Variants in NAV3 observed in about 807,000 individuals in gnomAD.
NAV3 encodes the protein pore membrane and/or filament interacting like protein 1.
In NAV3, 87 loss-of-function variants were observed where a neutral mutation model predicts 244.7. That is an observed-to-expected ratio of 0.36 (90% CI 0.30 to 0.42). The LOEUF (loss-of-function observed/expected upper bound fraction) is 0.42. NAV3 is among the 20% of genes least tolerant of loss of function. The probability of loss-of-function intolerance (pLI) is 1.00; values close to 1 mark genes in which losing one functional copy is unlikely to be tolerated. For missense variants in NAV3, 2,663 were observed against 2,893.3 expected, an observed-to-expected ratio of 0.92 and a Z score of 1.83; for synonymous variants, 1,126 against 1,042.2, an observed-to-expected ratio of 1.08 and a Z score of -1.55.
chr12:77,677,793 A>G (rs1467422657), intron 2 of NAV3, among the ~76,000 whole-genome samples: 1 of 152,204 alleles, frequency 6.6e-6, no homozygotes, highest in African/African-American at 2.4e-5. Context: ...TTTTAGGTCT[A>G]AACAACCTAC....
Position 78,137,159 on chromosome 12 carries a change from G to A in NAV3, c.4442-18G>A, listed in dbSNP as rs1011779887. The A allele has an allele frequency of 6.2e-7, 1 of 1,603,870 alleles. No individual in the cohort carries two copies. The highest frequency in any genetic ancestry group is 8.5e-7 in the Non-Finnish European group (1 of 1,174,840). On this transcript the variant is annotated intron_variant, in intron 18 of 39. Transcript: ENST00000397909. ...TTCAAGCTTAAGAGTAATAGGCTCT[G>A]TGTGTTTTGTTTTTCAGTGAGCCCA... is the stretch of plus-strand genomic sequence containing the variant.
At chr12:78,052,118 T>C (rs947639848) in intron 11 of NAV3, 6 of 152,200 alleles carry the variant, frequency 3.9e-5, no homozygotes, top group African/African-American at 1.4e-4. Context: ...TTACTCTTTG[T>C]CTTTACGCAT....
chr12:77,691,731 T>C (rs1875042109), intron 2 of NAV3, among the ~76,000 whole-genome samples: 1 of 151,868 alleles, frequency 6.6e-6, no homozygotes, highest in African/African-American at 2.4e-5. Context: ...ATATTAGATA[T>C]GCTTTAAAGT....
chr12:77,766,744 T>G lies in NAV3; in HGVS notation c.73-173575T>G, dbSNP rs1369007767. On this transcript the variant is annotated intron_variant, in intron 2 of 8. Coordinates refer to the NAV3 transcript ENST00000550042. ...AAAAACAGGCAATTAAGTTTTTTTT[T>G]TTTTTTTTTTTTTTTTTTTTTTTTT... Among the ~76,000 whole-genome samples, 12 of 25,676 alleles carry G rather than the reference T, an allele frequency of 4.7e-4. 1 individual carries two copies. In the East Asian group the frequency reaches 0.011, roughly 25 times the overall value. 16.8% of individuals were successfully genotyped at this position (25,676 alleles called of 152,430 possible).
intron 2 of NAV3, among the ~76,000 whole-genome samples, chr12:77,580,462 A>G (rs1764905631): frequency 6.6e-6 from 1 of 152,216 alleles, no homozygotes; most frequent in Admixed American, 6.5e-5. Context: ...ATCCTAATAT[A>G]TGGATACAAC....
intron 1 of NAV3, among the ~76,000 whole-genome samples, chr12:77,889,408 C>G (rs1323164736): frequency 6.6e-6 from 1 of 152,132 alleles, no homozygotes; most frequent in Non-Finnish European, 1.5e-5. Flanking sequence ...AGCTTGCTGG[C>G]TACAGATCTT....
At chr12:77,622,000 T>G (rs1479665919) in intron 2 of NAV3, among the ~76,000 whole-genome samples, 1 of 152,078 alleles carries the variant, frequency 6.6e-6, no homozygotes, top group Non-Finnish European at 1.5e-5. Context: ...ATATTTAAAT[T>G]TATGTTTTAT....
intron 2 of NAV3, among the ~76,000 whole-genome samples, chr12:77,814,976 C>T (rs2136012586): frequency 6.6e-6 from 1 of 152,198 alleles, no homozygotes; most frequent in South Asian, 2.1e-4. Flanking sequence ...TGGCACTGTT[C>T]ATGGAGGAAT....
At chr12:78,209,947 A>G (rs1396104640) in intron 39 of NAV3, among the ~76,000 whole-genome samples, 1 of 152,026 alleles carries the variant, frequency 6.6e-6, no homozygotes, top group African/African-American at 2.4e-5. Context: ...ATTCCTCTCC[A>G]TACCCTCCTT....
In NAV3 at chr12:77,924,859, T is replaced by C. The variant is rs1228642245; in HGVS notation, c.244-15460T>C. Reference sequence around the variant, plus strand: ...ATTATAATAATGATGACTTATAGTGTATAGCTCATTTTACTTTTGCACATG... The same window carrying C: ...ATTATAATAATGATGACTTATAGTGCATAGCTCATTTTACTTTTGCACATG... On this transcript the variant is annotated intron_variant, in intron 1 of 39. Transcript: ENST00000397909. Among the ~76,000 whole-genome samples the C allele has an allele frequency of 2.0e-5, 3 of 152,048 alleles. No homozygotes were observed. In the East Asian group the frequency reaches 5.8e-4, roughly 29 times the overall value.
intron 2 of NAV3, among the ~76,000 whole-genome samples, chr12:77,768,705 T>C (rs1400530853): frequency 1.3e-5 from 2 of 152,178 alleles, no homozygotes; most frequent in African/African-American, 4.8e-5. Context: ...CCTAGATCCA[T>C]AGCTACAGCT....
At chr12:78,182,560 A>G (rs186492207) in intron 30 of NAV3, among the ~76,000 whole-genome samples, 1 of 151,822 alleles carries the variant, frequency 6.6e-6, no homozygotes, top group African/African-American at 2.4e-5. Context: ...GACACATATA[A>G]AAAAAACTTA....
At chr12:78,061,385 C>T (rs566134910) in intron 12 of NAV3, among the ~76,000 whole-genome samples, 1 of 152,120 alleles carries the variant, frequency 6.6e-6, no homozygotes, top group African/African-American at 2.4e-5. Context: ...ACTGATGGCA[C>T]TAATTTTTAA....
chr12:78,005,979 G>A (rs548346805), intron 7 of NAV3, among the ~76,000 whole-genome samples: 1 of 152,258 alleles, frequency 6.6e-6, no homozygotes, highest in South Asian at 2.1e-4. Flanking sequence ...TGAGATCTCA[G>A]CTCACTGCAA....
At chr12:77,648,950 G>A (rs988161584) in intron 2 of NAV3, among the ~76,000 whole-genome samples, 1 of 152,126 alleles carries the variant, frequency 6.6e-6, no homozygotes, top group Admixed American at 6.6e-5. Flanking sequence ...AAATAGGACA[G>A]TATGAGGAAG....
intron 1 of NAV3, among the ~76,000 whole-genome samples, chr12:77,836,410 A>G (rs552961553): frequency 6.6e-6 from 1 of 152,200 alleles, no homozygotes; most frequent in South Asian, 2.1e-4. Context: ...CTCTCAGATT[A>G]CTTGTGCAAA....
chr12:77,789,102 T>C (rs1303611002), intron 2 of NAV3, among the ~76,000 whole-genome samples: 1 of 152,222 alleles, frequency 6.6e-6, no homozygotes, highest in African/African-American at 2.4e-5. Flanking sequence ...TGCTTCTGCC[T>C]TAGTTCAGGC....
At chr12:77,885,366 C>T (rs1052214219) in intron 1 of NAV3, among the ~76,000 whole-genome samples, 1 of 152,016 alleles carries the variant, frequency 6.6e-6, no homozygotes, top group African/African-American at 2.4e-5. Flanking sequence ...TGCTTTTTTT[C>T]TGCTACTAGT....
At chr12:77,999,531 A>G (rs1419417496) in intron 7 of NAV3, among the ~76,000 whole-genome samples, 1 of 152,232 alleles carries the variant, frequency 6.6e-6, no homozygotes, top group Non-Finnish European at 1.5e-5. Flanking sequence ...TAGAAGCAAG[A>G]CACTCTTTTG....
Sources: gnomAD v4.1 joint callset for allele counts (sites outside exome capture counted in the v4.1 genomes callset) on GRCh38, gnomAD v4.1.1 for gene constraint, MANE v1.5 for transcripts, NCBI Gene and HGNC (gene_info 2026-07-23, HGNC 2026-07-21) for gene names.